NPAS3: variants seen among roughly 807,000 people sequenced by gnomAD.
NPAS3 encodes the protein neuronal PAS domain-containing protein 3.
A neutral mutation model predicts 73.1 loss-of-function variants in NPAS3; 14 were observed. The ratio of observed to expected loss-of-function variants is 0.19; its 90% confidence interval spans 0.13 to 0.30. The LOEUF (loss-of-function observed/expected upper bound fraction) is 0.30, where lower values mean the gene tolerates loss of function less well. NPAS3 is among the 10% of genes least tolerant of loss of function. The pLI is 1.00. For synonymous variants in NPAS3, 620 were observed against 541.5 expected (o/e 1.14, Z -2.01); for missense variants, 1,096 against 1,250.0 (o/e 0.88, Z 1.86).
At chr14:33,650,811 C>T (rs1201678857) in intron 5 of NPAS3, among the ~76,000 whole-genome samples, 2 of 152,170 alleles carry the variant, frequency 1.3e-5, no homozygotes, top group East Asian at 3.9e-4. Flanking sequence ...CTGCCAGGAG[C>T]AGCAGCCTAT....
chr14:33,092,024 G>A (rs1397551826), intron 2 of NPAS3, among the ~76,000 whole-genome samples: 1 of 152,122 alleles, frequency 6.6e-6, no homozygotes, highest in Non-Finnish European at 1.5e-5. Flanking sequence ...ATACTGAATG[G>A]GCAACAACTG....
intron 2 of NPAS3, among the ~76,000 whole-genome samples, chr14:33,073,956 G>A (rs1320326580): frequency 6.6e-6 from 1 of 152,156 alleles, no homozygotes; most frequent in Non-Finnish European, 1.5e-5. Context: ...GTGAACATGG[G>A]GTGGGGTAGA....
chr14:33,551,694 T>C (rs1378188329), intron 4 of NPAS3, among the ~76,000 whole-genome samples: 1 of 152,154 alleles, frequency 6.6e-6, no homozygotes, highest in African/African-American at 2.4e-5. Flanking sequence ...TGGTCCAGTC[T>C]TACATACCAG....
intron 4 of NPAS3, among the ~76,000 whole-genome samples, chr14:33,539,139 T>C (rs1425266529): frequency 6.6e-6 from 1 of 151,796 alleles, no homozygotes; most frequent in South Asian, 2.1e-4. Context: ...GAAGGAAACG[T>C]TTCCTGTCTC....
At chr14:33,478,618 T>C (rs558043058) in intron 4 of NPAS3, among the ~76,000 whole-genome samples, 1 of 152,310 alleles carries the variant, frequency 6.6e-6, no homozygotes, top group Admixed American at 6.5e-5. Context: ...CACTCTGTTT[T>C]GCAGGATCAC....
intron 2 of NPAS3, among the ~76,000 whole-genome samples, chr14:33,149,820 T>C (rs899344717): frequency 6.6e-6 from 1 of 152,184 alleles, no homozygotes; most frequent in Non-Finnish European, 1.5e-5. Flanking sequence ...AGTTTTAGGA[T>C]ACATGGGCAG....
chr14:33,147,037 A>T (rs1000104732), intron 2 of NPAS3, among the ~76,000 whole-genome samples: 2 of 152,076 alleles, frequency 1.3e-5, no homozygotes, highest in African/African-American at 4.8e-5. Flanking sequence ...GCAAGTTAAG[A>T]TTTTTGTATG....
rs749102612 is a variant in NPAS3 at position 33,044,672 on chromosome 14, G to T, written c.51-11233G>T. Among the ~76,000 whole-genome samples, 7 of 148,702 alleles carry T rather than the reference G, an allele frequency of 4.7e-5. No homozygotes were observed. In the South Asian group the frequency reaches 1.3e-3, roughly 27 times the overall value. The stretch of plus-strand genomic sequence containing the variant: ...TTAGTTTGTTTTTTTTTTTTTTGGC[G>T]GGGAGGGCAGAAGAGTAAACCCATT... On this transcript the variant is annotated intron_variant, in intron 1 of 11. Coordinates refer to ENST00000356141, the Ensembl canonical transcript of NPAS3.
At chr14:33,550,025 A>G (rs1255784694) in intron 4 of NPAS3, among the ~76,000 whole-genome samples, 2 of 152,208 alleles carry the variant, frequency 1.3e-5, no homozygotes, top group Non-Finnish European at 2.9e-5. Context: ...GGAAAATACC[A>G]GAATTTGATT....
chr14:33,784,844 G>A (rs1302480900), intron 9 of NPAS3, among the ~76,000 whole-genome samples: 4 of 136,964 alleles, frequency 2.9e-5, no homozygotes, highest in South Asian at 2.6e-4. Flanking sequence ...TCCGCCTCCC[G>A]AGTTCAAGCA....
At chr14:33,052,035 A>G (rs1246124626) in intron 1 of NPAS3, among the ~76,000 whole-genome samples, 4 of 152,194 alleles carry the variant, frequency 2.6e-5, no homozygotes, top group African/African-American at 7.2e-5. Flanking sequence ...CTGGGATTAC[A>G]GGTGTGAGCC....
chr14:32,969,255 C>T (rs1439200900), intron 1 of NPAS3, among the ~76,000 whole-genome samples: 1 of 152,064 alleles, frequency 6.6e-6, no homozygotes, highest in Admixed American at 6.5e-5. Flanking sequence ...AAACCAGAAG[C>T]TGTAGTCTCT....
At chr14:33,578,254 C>T (rs1418402382) in intron 5 of NPAS3, 5 of 455,602 alleles carry the variant, frequency 1.1e-5, no homozygotes, top group Admixed American at 7.0e-5. Flanking sequence ...AGTGCAATGA[C>T]GCGATCTCAG....
intron 5 of NPAS3, among the ~76,000 whole-genome samples, chr14:33,641,522 G>T (rs2058674839): frequency 1.3e-5 from 2 of 152,148 alleles, no homozygotes; most frequent in Admixed American, 1.3e-4. Flanking sequence ...TGTACCACTA[G>T]GGGCTAGGGG....
intron 5 of NPAS3, among the ~76,000 whole-genome samples, chr14:33,636,566 G>A (rs924476116): frequency 3.3e-5 from 5 of 152,192 alleles, no homozygotes; most frequent in African/African-American, 9.7e-5. Context: ...TACGTGGTAT[G>A]TGGCAGCATG....
At chr14:33,092,184 C>G (rs536122507) in intron 2 of NPAS3, among the ~76,000 whole-genome samples, 1 of 152,228 alleles carries the variant, frequency 6.6e-6, no homozygotes, top group East Asian at 1.9e-4. Flanking sequence ...TCAAATTGTC[C>G]CTGTTTGCAG....
At chr14:33,485,938 G>A (rs1194002608) in intron 4 of NPAS3, among the ~76,000 whole-genome samples, 1 of 151,954 alleles carries the variant, frequency 6.6e-6, no homozygotes, top group Non-Finnish European at 1.5e-5. Flanking sequence ...GGGGGTCATA[G>A]TATATGAATG....
At chr14:33,150,896 C>T (rs2044419702) in intron 2 of NPAS3, among the ~76,000 whole-genome samples, 1 of 152,200 alleles carries the variant, frequency 6.6e-6, no homozygotes. Flanking sequence ...TGCTGGGCTT[C>T]CACTCACAAC....
At chr14:33,158,325 C>A (rs2044723073) in intron 2 of NPAS3, among the ~76,000 whole-genome samples, 1 of 152,160 alleles carries the variant, frequency 6.6e-6, no homozygotes, top group African/African-American at 2.4e-5. Flanking sequence ...ACAGGCCCCC[C>A]ACATGATTTT....
Sources: allele counts gnomAD v4.1 joint callset (sites outside exome capture counted in the v4.1 genomes callset), GRCh38; gene constraint gnomAD v4.1.1; transcripts MANE v1.5; gene names NCBI Gene and HGNC (gene_info 2026-07-23, HGNC 2026-07-21).